Variants in WAC observed in about 807,000 individuals in gnomAD.
WAC encodes WW domain-containing adapter protein with coiled-coil.
A neutral mutation model predicts 79.6 loss-of-function variants in WAC; 11 were observed. The ratio of observed to expected loss-of-function variants is 0.14; its 90% CI spans 0.09 to 0.23. The LOEUF (loss-of-function observed/expected upper bound fraction) is 0.23. Ranked by LOEUF, WAC falls within the 10% of genes least tolerant of loss-of-function variation. WAC has a pLI of 1.00. For missense variants in WAC, 728 were observed against 773.5 expected (o/e 0.94, Z 0.70); for synonymous variants, 304 against 276.9 (o/e 1.10, Z -0.97).
intron 3 of WAC, among the ~76,000 whole-genome samples, chr10:28,536,635 GTCTGA>G (rs1245348989): frequency 6.6e-6 from 1 of 152,150 alleles, no homozygotes; most frequent in African/African-American, 2.4e-5. Context: ...TTAAAAGTTA[GTCTGA>G]TTTCTTTTGC....
chr10:28,608,559 T>A (rs1297129643), intron 8 of WAC, 128 bp downstream of exon 8: 1 of 1,083,870 alleles, frequency 9.2e-7, no homozygotes, highest in Non-Finnish European at 1.3e-6. Context: ...TTTTTTTTGT[T>A]TTGTTTTTTG....
At chr10:28,535,483 C>T (rs1836594427) in intron 2 of WAC, 79 bp from the exon 3 acceptor site, 2 of 1,430,444 alleles carry the variant, frequency 1.4e-6, no homozygotes, top group South Asian at 1.5e-5. Flanking sequence ...AATGATAATA[C>T]ACCAAAGTTT....
chr10:28,612,059 A>T (rs1841265412), intron 10 of WAC, 137 bp downstream of exon 10: 2 of 1,080,290 alleles, frequency 1.9e-6, no homozygotes, highest in Admixed American at 5.5e-5. Context: ...ATGATAGTAG[A>T]TGCAGCCTAG....
At chr10:28,617,591 T>C (rs1372400856) in intron 12 of WAC, 66 bp from the exon 13 acceptor site, 9 of 1,392,036 alleles carry the variant, frequency 6.5e-6, no homozygotes, top group Admixed American at 3.0e-5. Flanking sequence ...TACTCAGAAA[T>C]TTAATGTTTT....
intron 3 of WAC, among the ~76,000 whole-genome samples, chr10:28,540,649 C>T (rs1192131176): frequency 2.6e-5 from 4 of 152,144 alleles, no homozygotes; most frequent in East Asian, 1.9e-4. Flanking sequence ...AATACACTAA[C>T]GTTTGGATTT....
chr10:28,597,057 A>C (rs1840410302), intron 7 of WAC, among the ~76,000 whole-genome samples: 1 of 145,392 alleles, frequency 6.9e-6, no homozygotes, highest in African/African-American at 2.8e-5. Flanking sequence ...TTCTTATTAC[A>C]TGTTATATGC....
intron 3 of WAC, among the ~76,000 whole-genome samples, chr10:28,559,824 C>G (rs190636571): frequency 2.0e-5 from 3 of 152,320 alleles, no homozygotes; most frequent in African/African-American, 7.2e-5. Flanking sequence ...CTTCGTGTCA[C>G]ATTTCATTGC....
intron 3 of WAC, among the ~76,000 whole-genome samples, chr10:28,539,591 C>CAA (rs1564371413): frequency 6.7e-6 from 1 of 149,674 alleles, no homozygotes; most frequent in African/African-American, 2.5e-5. Context: ...TTTCTGGAGA[C>CAA]AGAGTTGCCC....
chr10:28,615,970 A>T, intron 11 of WAC: 1 of 452,494 alleles, frequency 2.2e-6, no homozygotes, highest in Non-Finnish European at 3.9e-6. Flanking sequence ...CAGTAGTGTT[A>T]AAAGGGTTTT....
At chr10:28,572,262 G>A (rs1332718859) in intron 3 of WAC, among the ~76,000 whole-genome samples, 2 of 151,196 alleles carry the variant, frequency 1.3e-5, no homozygotes, top group African/African-American at 4.9e-5. Flanking sequence ...GCTTGAACCT[G>A]GGCAGCAGAT....
chr10:28,575,742 T>C (rs1839206700), intron 3 of WAC, among the ~76,000 whole-genome samples: 1 of 152,224 alleles, frequency 6.6e-6, no homozygotes, highest in Non-Finnish European at 1.5e-5. Context: ...GATGTATGAT[T>C]AGCAACATTC....
At chr10:28,576,236 T>C (rs1839238387) in intron 3 of WAC, among the ~76,000 whole-genome samples, 1 of 152,230 alleles carries the variant, frequency 6.6e-6, no homozygotes. Flanking sequence ...GAAATAATGT[T>C]ACGTGTAATT....
intron 3 of WAC, among the ~76,000 whole-genome samples, chr10:28,574,758 A>G (rs143805029): frequency 0.02 from 3,041 of 152,290 alleles, 45 homozygotes; most frequent in Non-Finnish European, 0.028. Flanking sequence ...ATAATGCATT[A>G]TGAATATTCA....
intron 3 of WAC, among the ~76,000 whole-genome samples, chr10:28,556,485 T>C (rs965313812): frequency 2.8e-5 from 4 of 144,710 alleles, no homozygotes; most frequent in Non-Finnish European, 6.0e-5. Flanking sequence ...GGTTTGCAAA[T>C]ATTTTCTACT....
intron 10 of WAC, among the ~76,000 whole-genome samples, chr10:28,612,509 T>G (rs1319194496): frequency 2.0e-5 from 3 of 152,218 alleles, no homozygotes; most frequent in Non-Finnish European, 4.4e-5. Flanking sequence ...ATAGGTGCAG[T>G]TAGAAAATTG....
rs79591397 is a variant in WAC at position 28,604,196 on chromosome 10, G to C, written c.920-3990G>C. ...ATTCATCGTTTTCTTTGACTGTTAC[G>C]TCGATGGAAGTGTAAGGCCTACCTT... On this transcript the variant is annotated intron_variant, in intron 7 of 13. Transcript: ENST00000354911. Among the ~76,000 whole-genome samples the C allele has an allele frequency of 3.0e-3, 453 of 149,666 alleles. 7 individuals are homozygous for C. In the East Asian group the frequency reaches 0.035, roughly 12 times the overall value.
chr10:28,538,730 A>G (rs1836826123), intron 3 of WAC, among the ~76,000 whole-genome samples: 1 of 151,330 alleles, frequency 6.6e-6, no homozygotes, highest in South Asian at 2.1e-4. Context: ...TGTCTACTAA[A>G]AAAAAAAAAA....
Position 28,621,622 on chromosome 10 carries a change from A to G in WAC, c.*2016A>G, listed in dbSNP as rs913427821. On this transcript the variant is annotated 3_prime_UTR_variant, in exon 14 of 14. Coordinates refer to ENST00000354911, the MANE Select transcript of WAC (RefSeq NM_016628.5). Reference sequence around the variant, plus strand: ...TGCTGAATTTAACTAGTGCATGTAAATGAAACCCCAAAGAGCTGTGTGTTC... The same window carrying G: ...TGCTGAATTTAACTAGTGCATGTAAGTGAAACCCCAAAGAGCTGTGTGTTC... The G allele has an allele frequency of 4.6e-5, 7 of 152,226 alleles. No homozygotes were observed. Among genetic ancestry groups the G allele is most frequent in the African/African-American group, 1.4e-4 (6 of 41,470 alleles). The allele number at this position is 152,226 out of a possible 1,614,324, so 9.4% of individuals were successfully genotyped here. A position where few individuals can be genotyped will look rare whatever the true frequency, so the allele number is the denominator to read the frequency against.
chr10:28,534,170 C>T (rs1836478477), intron 2 of WAC, 136 bp downstream of exon 2: 3 of 855,180 alleles, frequency 3.5e-6, no homozygotes, highest in Non-Finnish European at 5.2e-6. Context: ...CGCGGATCCC[C>T]TTAAAATTCC....
Sources: gnomAD v4.1 joint callset for allele counts (sites outside exome capture counted in the v4.1 genomes callset) on GRCh38, gnomAD v4.1.1 for gene constraint, MANE v1.5 for transcripts, NCBI Gene and HGNC (gene_info 2026-07-23, HGNC 2026-07-21) for gene names.